COPA: variants seen among roughly 807,000 people sequenced by gnomAD.
The protein encoded by COPA is coatomer subunit alpha.
Under a neutral mutation model 158.7 loss-of-function variants are expected in COPA, and 10 were observed. The ratio of observed to expected loss-of-function variants is 0.06; its 90% CI spans 0.04 to 0.11. COPA has a LOEUF of 0.11. Ranked by LOEUF, COPA falls within the 10% of genes least tolerant of loss-of-function variation. COPA has a pLI of 1.00. For missense variants in COPA, 1,065 were observed against 1,536.7 expected (o/e 0.69, Z 5.13); for synonymous variants, 462 against 542.8 (o/e 0.85, Z 2.07).
chr1:160,327,010 A>G (rs556075021), intron 6 of COPA, among the ~76,000 whole-genome samples: 1 of 152,354 alleles, frequency 6.6e-6, no homozygotes, highest in East Asian at 1.9e-4. Context: ...TTCGGAAAGT[A>G]CTTTGTGGTT....
intron 10 of COPA, 81 bp from the exon 11 acceptor site, chr1:160,312,099 A>G: frequency 1.4e-6 from 2 of 1,436,114 alleles, no homozygotes; most frequent in South Asian, 1.3e-5. Context: ...GTAAGGATGA[A>G]GATTATATCT....
In COPA at chr1:160,290,610, A is replaced by G; in HGVS notation, c.3497T>C (p.Phe1166Ser). Residue 1166 changes from phenylalanine (F) to serine (S), a missense_variant, in exon 32 of 33, where the codon TTT becomes TCT. By Grantham distance (155) the Phe-to-Ser change is radical (BLOSUM62 -2). Coordinates refer to ENST00000241704, the MANE Select transcript of COPA (RefSeq NM_004371.4). ...CCGATATGATGCAGCACAAATGTCAAAGGGGTTGTGCATGTCATAATTGAG... is the reference window on the plus strand; with the variant it reads ...CCGATATGATGCAGCACAAATGTCAGAGGGGTTGTGCATGTCATAATTGAG... ...YQLNYDMHNP[F>S]DICAASYRPI... 1 of 1,614,170 alleles carries G rather than the reference A, an allele frequency of 6.2e-7. No individual in the cohort carries two copies. The highest frequency in any genetic ancestry group is 8.5e-7 in the Non-Finnish European group (1 of 1,180,024).
chr1:160,317,726 T>G, intron 8 of COPA: 1 of 1,358,296 alleles, frequency 7.4e-7, no homozygotes, highest in Non-Finnish European at 1.1e-6. Context: ...TTATTTTTTT[T>G]CTTTTCCCTC....
chr1:160,325,683 T>C (rs376681626), intron 6 of COPA, 31 bp from the exon 7 acceptor site: 7 of 1,498,752 alleles, frequency 4.7e-6, no homozygotes, highest in Non-Finnish European at 6.5e-6. Context: ...GGATGAAAGA[T>C]GTAAACATAA....
intron 6 of COPA, among the ~76,000 whole-genome samples, chr1:160,330,219 G>C (rs1331477688): frequency 6.6e-6 from 1 of 152,052 alleles, no homozygotes; most frequent in Admixed American, 6.6e-5. Flanking sequence ...AGAGTGCTTT[G>C]AATGTGTGCA....
At chr1:160,309,007 G>A (rs1361812162) in intron 13 of COPA, 94 bp downstream of exon 13, 5 of 989,180 alleles carry the variant, frequency 5.1e-6, no homozygotes, top group Non-Finnish European at 8.0e-6. Flanking sequence ...ATGTGGCCAT[G>A]GCTTGGGGAT....
chr1:160,314,786 A>G (rs1659081833), intron 8 of COPA, among the ~76,000 whole-genome samples: 1 of 152,066 alleles, frequency 6.6e-6, no homozygotes, highest in Non-Finnish European at 1.5e-5. Flanking sequence ...AACAAATATG[A>G]GCTCCTTCAG....
At chr1:160,317,805 C>A in intron 8 of COPA, 2 of 785,758 alleles carry the variant, frequency 2.5e-6, no homozygotes, top group Non-Finnish European at 2.2e-6. Context: ...AAAACTGGCA[C>A]CCCATCTCTT....
rs2887489 is a variant in COPA at position 160,295,878 on chromosome 1, G to C, written c.2353-19C>G. ...CTGGGATCTGAATAGTAGAAGAAAA[G>C]AGGCTAAAAACAAATAGCACTTGGA... On this transcript the variant is annotated intron_variant, in intron 22 of 32. Coordinates refer to ENST00000241704, the MANE Select transcript of COPA (RefSeq NM_004371.4). The C allele has an allele frequency of 0.043, 68,890 of 1,593,474 alleles. 1,654 individuals are homozygous for C. The highest frequency in any genetic ancestry group is 0.048 in the Non-Finnish European group (55,973 of 1,173,424).
At chr1:160,309,211 A>G in intron 12 of COPA, 35 bp from the exon 13 acceptor site, 1 of 1,513,238 alleles carries the variant, frequency 6.6e-7, no homozygotes, top group Non-Finnish European at 9.2e-7. Context: ...AATGTTAGTG[A>G]GAAGCACCCA....
Position 160,332,567 on chromosome 1 carries a change from A to G in COPA, c.387-10T>C, listed in dbSNP as rs752782357. On this transcript the variant is annotated splice_polypyrimidine_tract_variant and intron_variant, in intron 5 of 32. Transcript: ENST00000241704. Reference sequence around the variant, plus strand: ...GTGCCCTGTTAACACACTGCAAGAAAAAAAAAAGACAATACCAAATTAGAG... The same window carrying G: ...GTGCCCTGTTAACACACTGCAAGAAGAAAAAAAGACAATACCAAATTAGAG... 7.0e-6 allele frequency: 11 copies of G among 1,577,570 alleles called. No individual in the cohort carries two copies. Among genetic ancestry groups the G allele is most frequent in the Non-Finnish European group, 9.5e-6 (11 of 1,163,222 alleles).
chr1:160,331,470 T>C (rs763367577), intron 6 of COPA, among the ~76,000 whole-genome samples: 1 of 151,580 alleles, frequency 6.6e-6, no homozygotes. Flanking sequence ...CTGGCTAACA[T>C]GGTGAAACCC....
intron 17 of COPA, among the ~76,000 whole-genome samples, chr1:160,300,338 C>T (rs1014051562): frequency 1.3e-4 from 17 of 131,664 alleles, no homozygotes; most frequent in Admixed American, 4.1e-4. Flanking sequence ...AGTGAGACTC[C>T]GACTCAAAAT....
At chr1:160,339,134 T>C (rs575306689) in intron 3 of COPA, among the ~76,000 whole-genome samples, 2 of 144,228 alleles carry the variant, frequency 1.4e-5, no homozygotes, top group South Asian at 2.1e-4. Context: ...TTGGCCCTTA[T>C]TTCTCCTTAT....
chr1:160,293,540 A>G, intron 25 of COPA, 77 bp from the exon 26 acceptor site: 1 of 1,144,470 alleles, frequency 8.7e-7, no homozygotes, highest in Non-Finnish European at 1.2e-6. Flanking sequence ...TGTCACCTAG[A>G]CTGGAGTACA....
At chr1:160,342,425 C>T (rs1409298119) in intron 1 of COPA, among the ~76,000 whole-genome samples, 1 of 152,086 alleles carries the variant, frequency 6.6e-6, no homozygotes, top group African/African-American at 2.4e-5. Context: ...CCCCAACGAC[C>T]CACACTCGAG....
intron 17 of COPA, among the ~76,000 whole-genome samples, chr1:160,299,586 TAACTG>T (rs1658532293): frequency 6.6e-6 from 1 of 152,190 alleles, no homozygotes; most frequent in Non-Finnish European, 1.5e-5. Context: ...TTATAATCTA[TAACTG>T]AAAGTAGAAG....
chr1:160,332,469 C>T lies in COPA; in HGVS notation c.475G>A (p.Val159Met), dbSNP rs763758170. The change falls in exon 6 of 33, where the codon GTG becomes ATG. Residue 159 changes from valine (V) to methionine (M), a missense_variant. Physicochemically the swap from Val to Met is conservative, Grantham distance 21. This residue lies in a region of COPA where 980 missense variants were observed against 1,357.8 expected (regional missense o/e 0.72). Coordinates refer to ENST00000241704, the MANE Select transcript of COPA (RefSeq NM_004371.4). ...LVVSASLDQT[V>M]RVWDISGLRK... ...TCACCAGAAATATCCCAAACGCGCACAGTCTGGTCCAGGCTGGCTGATACT... is the reference window on the plus strand; with the variant it reads ...TCACCAGAAATATCCCAAACGCGCATAGTCTGGTCCAGGCTGGCTGATACT... 1.2e-6 allele frequency: 2 copies of T among 1,612,660 alleles called. No individual in the cohort carries two copies. The highest frequency in any genetic ancestry group is 2.2e-5 in the South Asian group (2 of 90,736).
chr1:160,326,467 T>C (rs1659496248), intron 6 of COPA, among the ~76,000 whole-genome samples: 1 of 152,170 alleles, frequency 6.6e-6, no homozygotes, highest in South Asian at 2.1e-4. Context: ...AAGTCGAGGC[T>C]GCAGTGAGCC....
Sources: gnomAD v4.1 joint callset for allele counts (sites outside exome capture counted in the v4.1 genomes callset) on GRCh38, gnomAD v4.1.1 for gene constraint, gnomAD v4.1.1 regional missense constraint, MANE v1.5 for transcripts, NCBI Gene and HGNC (gene_info 2026-07-23, HGNC 2026-07-21) for gene names.